Variants in AGMO observed in about 807,000 individuals in gnomAD.
AGMO encodes the protein alkylglycerol monooxygenase.
In AGMO, 75 loss-of-function variants were observed where a neutral mutation model predicts 60.2. That is an observed-to-expected ratio of 1.25 (90% CI 1.03 to 1.51). AGMO has a LOEUF of 1.51. Among genes scored for constraint, AGMO ranks in the 40% most tolerant of loss-of-function variants. AGMO has a pLI of 0.00. For synonymous variants in AGMO, 261 were observed against 177.1 expected (o/e 1.47, Z -3.76); for missense variants, 763 against 525.5 (o/e 1.45, Z -4.42).
intron 12 of AGMO, among the ~76,000 whole-genome samples, chr7:15,349,680 G>A (rs749147733): frequency 2.8e-4 from 42 of 152,132 alleles, no homozygotes; most frequent in Non-Finnish European, 5.4e-4. Context: ...AAGAAAAGAG[G>A]TTTAATTGAC....
chr7:15,296,766 A>G (rs10950558), intron 12 of AGMO, among the ~76,000 whole-genome samples: 30,877 of 152,000 alleles, frequency 0.2, 3,227 homozygotes, highest in Middle Eastern at 0.27. Flanking sequence ...CACTTTTCCA[A>G]ATTAGGAAAC....
At chr7:15,317,772 G>T (rs1046784898) in intron 12 of AGMO, among the ~76,000 whole-genome samples, 1 of 151,482 alleles carries the variant, frequency 6.6e-6, no homozygotes, top group Non-Finnish European at 1.5e-5. Context: ...TAAGACAATG[G>T]TGGTATTCAA....
At chr7:15,501,575 G>A (rs975857542) in intron 3 of AGMO, among the ~76,000 whole-genome samples, 2 of 151,912 alleles carry the variant, frequency 1.3e-5, no homozygotes, top group African/African-American at 2.4e-5. Flanking sequence ...CCATTATTAT[G>A]CCCTACAGAG....
At chr7:15,185,383 C>G in the AGMO span, among the ~76,000 whole-genome samples, 4 of 152,178 alleles carry the variant, frequency 2.6e-5, no homozygotes, top group East Asian at 7.7e-4. Context: ...CAATTTTGTT[C>G]TAACTTTAGA....
Position 15,284,754 on chromosome 7 carries a change from A to C in AGMO, c.1263+80760T>G, listed in dbSNP as rs74501901. 9.0e-3 allele frequency among the ~76,000 whole-genome samples: 1,366 copies of C among 152,166 alleles called. 25 individuals carry two copies. The highest frequency in any genetic ancestry group is 0.031 in the African/African-American group (1,299 of 41,538). On this transcript the variant is annotated intron_variant, in intron 12 of 12. Transcript: ENST00000342526. ...TATCACCCTGATACCAACACTAGGAAAGTATATAACAACAACAACAAAAAA... is the reference window on the plus strand; with the variant it reads ...TATCACCCTGATACCAACACTAGGACAGTATATAACAACAACAACAAAAAA...
the AGMO span, among the ~76,000 whole-genome samples, chr7:15,135,408 C>T: frequency 1.3e-5 from 2 of 152,084 alleles, no homozygotes; most frequent in South Asian, 2.1e-4. Context: ...AGTGACTTCT[C>T]TTCATGACTG....
At chr7:15,301,521 TA>T in intron 12 of AGMO, among the ~76,000 whole-genome samples, 1 of 151,946 alleles carries the variant, frequency 6.6e-6, no homozygotes, top group South Asian at 2.1e-4. Context: ...TTAAACCAAC[TA>T]AAATTATACA....
At chr7:15,513,129 T>C (rs1026411520) in intron 3 of AGMO, among the ~76,000 whole-genome samples, 4 of 152,192 alleles carry the variant, frequency 2.6e-5, no homozygotes, top group Non-Finnish European at 5.9e-5. Context: ...TTTTCTTTTG[T>C]TTTTGCTGAT....
intron 12 of AGMO, among the ~76,000 whole-genome samples, chr7:15,257,073 G>C (rs1783120541): frequency 6.6e-6 from 1 of 152,042 alleles, no homozygotes; most frequent in Non-Finnish European, 1.5e-5. Flanking sequence ...AGCAACTGTG[G>C]TTATTTTTGG....
At chr7:15,191,964 G>GCC in the AGMO span, among the ~76,000 whole-genome samples, 1 of 95,146 alleles carries the variant, frequency 1.1e-5, no homozygotes, top group Non-Finnish European at 2.3e-5. Flanking sequence ...CTCTCCCTCT[G>GCC]TCTCTCTCTC....
At chr7:15,512,512 C>T (rs961230606) in intron 3 of AGMO, among the ~76,000 whole-genome samples, 2 of 152,154 alleles carry the variant, frequency 1.3e-5, no homozygotes, top group African/African-American at 4.8e-5. Context: ...CTCGGCCTCC[C>T]AAAGTGCTGA....
At chr7:15,331,442 CTGTG>C (rs968986113) in intron 12 of AGMO, among the ~76,000 whole-genome samples, 24 of 152,122 alleles carry the variant, frequency 1.6e-4, no homozygotes, top group Admixed American at 5.9e-4. Flanking sequence ...AAATGTGTGT[CTGTG>C]TGTGTGAGCA....
At chr7:15,253,604 A>C (rs1198679655) in intron 12 of AGMO, among the ~76,000 whole-genome samples, 1 of 152,222 alleles carries the variant, frequency 6.6e-6, no homozygotes, top group East Asian at 1.9e-4. Flanking sequence ...TAGGGACTAC[A>C]ATGTGTTGTT....
At chr7:15,433,337 G>T (rs939333512) in intron 3 of AGMO, among the ~76,000 whole-genome samples, 11 of 152,014 alleles carry the variant, frequency 7.2e-5, no homozygotes, top group African/African-American at 2.4e-4. Flanking sequence ...ATCACAAACT[G>T]TGTGTAACAC....
chr7:15,202,532 A>C (rs1014283775), intron 12 of AGMO, among the ~76,000 whole-genome samples: 1 of 142,638 alleles, frequency 7.0e-6, no homozygotes, highest in African/African-American at 2.6e-5. Flanking sequence ...TGGGTTGTTC[A>C]GTTTCATATG....
chr7:15,257,305 A>G (rs771136158), intron 12 of AGMO, among the ~76,000 whole-genome samples: 20 of 152,266 alleles, frequency 1.3e-4, no homozygotes, highest in South Asian at 4.1e-4. Flanking sequence ...TCCAAATAAT[A>G]AGGTATGAAC....
chr7:15,426,634 A>T (rs556353629), intron 4 of AGMO, among the ~76,000 whole-genome samples: 2 of 152,216 alleles, frequency 1.3e-5, no homozygotes, highest in African/African-American at 2.4e-5. Flanking sequence ...CTGTAATCCC[A>T]GCTACTCAGG....
chr7:15,303,665 G>C (rs1369433801), intron 12 of AGMO, among the ~76,000 whole-genome samples: 1 of 152,090 alleles, frequency 6.6e-6, no homozygotes, highest in Non-Finnish European at 1.5e-5. Context: ...AAGAATGTGA[G>C]GAATATGAAG....
At chr7:15,395,748 A>G (rs1046690582) in intron 5 of AGMO, among the ~76,000 whole-genome samples, 17 of 152,248 alleles carry the variant, frequency 1.1e-4, no homozygotes, top group African/African-American at 2.2e-4. Context: ...AGTAATGTCC[A>G]TAAATCCTCA....
Sources: allele counts gnomAD v4.1 joint callset (sites outside exome capture counted in the v4.1 genomes callset), GRCh38; gene constraint gnomAD v4.1.1; transcripts MANE v1.5; gene names NCBI Gene and HGNC (gene_info 2026-07-23, HGNC 2026-07-21).